Variants in CCDC171 observed in about 807,000 individuals in gnomAD.
CCDC171 encodes coiled-coil domain containing 171.
A neutral mutation model predicts 168.2 loss-of-function variants in CCDC171; 177 were observed. The ratio of observed to expected loss-of-function variants is 1.05; its 90% CI spans 0.93 to 1.19. The LOEUF (loss-of-function observed/expected upper bound fraction) is 1.19. CCDC171 is among the 50% of genes most tolerant of loss of function. CCDC171 has a pLI of 0.00. For missense variants in CCDC171, 1,991 were observed against 1,539.0 expected, an observed-to-expected ratio of 1.29 and a Z score of -4.91; for synonymous variants, 687 against 540.8, an observed-to-expected ratio of 1.27 and a Z score of -3.75.
At chr9:15,557,831 T>G (rs905036949) in intron 1 of CCDC171, among the ~76,000 whole-genome samples, 1 of 152,098 alleles carries the variant, frequency 6.6e-6, no homozygotes, top group African/African-American at 2.4e-5. Flanking sequence ...TCAAAGGGAA[T>G]GTTTCCAGTT....
At chr9:15,734,803 T>C (rs1053829597) in intron 16 of CCDC171, among the ~76,000 whole-genome samples, 1 of 152,176 alleles carries the variant, frequency 6.6e-6, no homozygotes, top group Non-Finnish European at 1.5e-5. Flanking sequence ...TAATACATTT[T>C]CAAAAATTAT....
chr9:15,568,887 G>T (rs1213550908), intron 2 of CCDC171, among the ~76,000 whole-genome samples: 4 of 152,112 alleles, frequency 2.6e-5, no homozygotes, highest in Non-Finnish European at 5.9e-5. Flanking sequence ...CCACGAAGAA[G>T]CTCTTAAGTT....
At chr9:16,086,075 C>G in the CCDC171 span, among the ~76,000 whole-genome samples, 4 of 152,128 alleles carry the variant, frequency 2.6e-5, no homozygotes, top group South Asian at 2.1e-4. Flanking sequence ...GTGAGTCCGT[C>G]TGGTCCTGGA....
chr9:16,068,416 CAAGCTACCAATG>C, the CCDC171 span, among the ~76,000 whole-genome samples: 6 of 152,180 alleles, frequency 3.9e-5, no homozygotes, highest in Non-Finnish European at 8.8e-5. Flanking sequence ...CCATCCCCAT[CAAGCTACCAATG>C]ACTTTCTTCT....
chr9:15,630,048 A>G (rs2045544613), intron 7 of CCDC171, among the ~76,000 whole-genome samples: 2 of 152,244 alleles, frequency 1.3e-5, no homozygotes, highest in Admixed American at 1.3e-4. Flanking sequence ...GGAAAGGAAC[A>G]ACCGGTACCA....
At chr9:15,677,651 G>A (rs1380146231) in intron 9 of CCDC171, among the ~76,000 whole-genome samples, 1 of 150,846 alleles carries the variant, frequency 6.6e-6, no homozygotes, top group Non-Finnish European at 1.5e-5. Flanking sequence ...ATACTTCGAA[G>A]CTACCTTTCA....
chr9:16,015,813 TTCTG>T (rs1832997989), intron 3 of CCDC171, among the ~76,000 whole-genome samples: 1 of 152,206 alleles, frequency 6.6e-6, no homozygotes, highest in Admixed American at 6.5e-5. Flanking sequence ...CGATTCTACT[TTCTG>T]TCTATGAATT....
intron 18 of CCDC171, among the ~76,000 whole-genome samples, chr9:15,776,497 T>G (rs1272421090): frequency 6.6e-6 from 1 of 152,240 alleles, no homozygotes; most frequent in African/African-American, 2.4e-5. Context: ...ATATTATGCT[T>G]TTATTCACTT....
downstream of CCDC171, among the ~76,000 whole-genome samples, chr9:15,977,292 C>T (rs528122942): frequency 1.3e-3 from 198 of 152,290 alleles, 9 homozygotes; most frequent in South Asian, 0.039. Flanking sequence ...GTCTCCCTAA[C>T]TGTATCTTGT....
intron 24 of CCDC171, among the ~76,000 whole-genome samples, chr9:15,903,539 A>G (rs564833168): frequency 1.3e-5 from 2 of 152,288 alleles, no homozygotes; most frequent in East Asian, 3.9e-4. Flanking sequence ...CGTCACCATC[A>G]TCAAAGACCA....
At chr9:15,847,954 G>A (rs771209316) in intron 22 of CCDC171, among the ~76,000 whole-genome samples, 6 of 151,978 alleles carry the variant, frequency 3.9e-5, no homozygotes, top group Non-Finnish European at 7.4e-5. Context: ...TGAGGTGTAT[G>A]TTTTTGTCAT....
intron 3 of CCDC171, among the ~76,000 whole-genome samples, chr9:16,005,034 CAT>C (rs1832656146): frequency 6.6e-6 from 1 of 152,114 alleles, no homozygotes; most frequent in Non-Finnish European, 1.5e-5. Context: ...AATCATGTAA[CAT>C]ATAATTCACC....
chr9:16,107,633 T>C, the CCDC171 span, among the ~76,000 whole-genome samples: 1 of 152,298 alleles, frequency 6.6e-6, no homozygotes, highest in East Asian at 1.9e-4. Flanking sequence ...AAACAATATA[T>C]ATACATGTAA....
At chr9:15,654,261 A>G (rs574234167) in intron 7 of CCDC171, among the ~76,000 whole-genome samples, 1 of 152,144 alleles carries the variant, frequency 6.6e-6, no homozygotes, top group South Asian at 2.1e-4. Flanking sequence ...TATTTTCCAT[A>G]GGGTTGTAGA....
chr9:15,770,285 C>T (rs2056945015), intron 18 of CCDC171, among the ~76,000 whole-genome samples: 1 of 152,168 alleles, frequency 6.6e-6, no homozygotes, highest in African/African-American at 2.4e-5. Flanking sequence ...TTTCACTATG[C>T]TATGTCTTCT....
At position 15,804,490 on chromosome 9, in the gene CCDC171, C is replaced by T. The variant is rs193265857; in HGVS notation, c.3267+19796C>T. Among the ~76,000 whole-genome samples, 10 of 150,102 alleles carry T rather than the reference C, an allele frequency of 6.7e-5. No homozygotes were observed. In the East Asian group the frequency reaches 1.2e-3, roughly 18 times the overall value. On this transcript the variant is annotated intron_variant, in intron 21 of 25. Coordinates refer to ENST00000380701, the MANE Select transcript of CCDC171 (RefSeq NM_173550.4). ...TTTTTTTTGCATCTATTGAGATGAT[C>T]GTATGGTTTTTGTTTTGGGTTCTGC... is the stretch of plus-strand genomic sequence containing the variant.
At chr9:15,646,099 G>T (rs202242236) in intron 7 of CCDC171, among the ~76,000 whole-genome samples, 7 of 152,114 alleles carry the variant, frequency 4.6e-5, no homozygotes, top group East Asian at 1.9e-4. Context: ...TATTCAACAT[G>T]CTTAAAGAAA....
intron 21 of CCDC171, among the ~76,000 whole-genome samples, chr9:15,793,041 G>C (rs1446673367): frequency 6.6e-6 from 1 of 152,174 alleles, no homozygotes; most frequent in Non-Finnish European, 1.5e-5. Context: ...ACAGGATAAA[G>C]AGTGAAGACC....
the CCDC171 span, among the ~76,000 whole-genome samples, chr9:16,093,926 C>G: frequency 3.9e-5 from 6 of 152,156 alleles, no homozygotes; most frequent in Non-Finnish European, 8.8e-5. Context: ...TAATGTCTCA[C>G]GCTTCTATGG....
Sources: gnomAD v4.1 joint callset for allele counts (sites outside exome capture counted in the v4.1 genomes callset) on GRCh38, gnomAD v4.1.1 for gene constraint, MANE v1.5 for transcripts, NCBI Gene and HGNC (gene_info 2026-07-23, HGNC 2026-07-21) for gene names.